The following RPH3A variants were observed in gnomAD, a reference collection of about 807,000 sequenced individuals.
RPH3A encodes rabphilin-3A.
A neutral mutation model predicts 102.2 loss-of-function variants in RPH3A; 48 were observed. The ratio of observed to expected loss-of-function variants is 0.47; its 90% CI spans 0.37 to 0.60. RPH3A has a LOEUF of 0.60. Ranked by LOEUF, RPH3A falls within the 20% of genes least tolerant of loss-of-function variation. The pLI, the probability that RPH3A is intolerant of heterozygous loss-of-function variation, is 0.00. For missense variants in RPH3A, 781 were observed against 910.1 expected (o/e 0.86, Z 1.83); for synonymous variants, 310 against 324.3 (o/e 0.96, Z 0.47).
chr12:112,807,548 T>C (rs1366561966), intron 2 of RPH3A, among the ~76,000 whole-genome samples: 3 of 152,226 alleles, frequency 2.0e-5, no homozygotes, highest in Non-Finnish European at 4.4e-5. Context: ...TCTCTGCATC[T>C]CAGTTTCTTC....
chr12:112,860,102 C>A (rs1415809145), intron 5 of RPH3A, among the ~76,000 whole-genome samples: 1 of 152,238 alleles, frequency 6.6e-6, no homozygotes. Context: ...CCACTTGTGA[C>A]ACATGGTCCA....
At position 112,890,995 on chromosome 12, in the gene RPH3A, C is replaced by T. The variant is rs771515781; in HGVS notation, c.1767C>T (p.Phe589=). ...AMDANGYSDP[F]VKLWLKPDMG... ...ACGCTAATGGCTACTCAGACCCATT[C>T]GTCAAGCTGTAAGTCAATGCCTTGG... The change falls in exon 19 of 22, where the codon TTC becomes TTT. Residue 589 remains phenylalanine (F), a synonymous_variant. Coordinates refer to ENST00000389385, the MANE Select transcript of RPH3A (RefSeq NM_001143854.2). 25 of 1,613,966 alleles carry T rather than the reference C, an allele frequency of 1.5e-5. No individual in the cohort carries two copies. Among genetic ancestry groups the T allele is most frequent in the Admixed American group, 6.7e-5 (4 of 59,998 alleles).
At chr12:112,613,354 C>T (rs964954306) in intron 1 of RPH3A, among the ~76,000 whole-genome samples, 4 of 151,942 alleles carry the variant, frequency 2.6e-5, no homozygotes, top group East Asian at 1.9e-4. Flanking sequence ...TTGGTGGCCT[C>T]GCGGTTCTAA....
At chr12:112,807,934 C>G (rs1367447303) in intron 2 of RPH3A, among the ~76,000 whole-genome samples, 1 of 152,174 alleles carries the variant, frequency 6.6e-6, no homozygotes, top group Non-Finnish European at 1.5e-5. Context: ...TTTCCCCCCA[C>G]TAGAATGTCA....
At chr12:112,842,285 A>C (rs1008151227) in intron 4 of RPH3A, among the ~76,000 whole-genome samples, 1 of 152,266 alleles carries the variant, frequency 6.6e-6, no homozygotes, top group Non-Finnish European at 1.5e-5. Context: ...ATAATAAGAA[A>C]AAGAAAACAC....
intron 8 of RPH3A, chr12:112,868,814 G>A (rs1414870684): frequency 2.1e-6 from 1 of 476,460 alleles, no homozygotes; most frequent in African/African-American, 1.9e-5. Context: ...AAGCCGCCCA[G>A]AGGCTTCATT....
chr12:112,896,346 T>C (rs1365494445), intron 21 of RPH3A, among the ~76,000 whole-genome samples: 1 of 152,116 alleles, frequency 6.6e-6, no homozygotes, highest in East Asian at 1.9e-4. Context: ...GACAATGAGT[T>C]CCCAGAAGTA....
At chr12:112,632,043 G>A (rs1407757482) in intron 1 of RPH3A, among the ~76,000 whole-genome samples, 3 of 152,094 alleles carry the variant, frequency 2.0e-5, no homozygotes, top group Non-Finnish European at 4.4e-5. Flanking sequence ...TTGAATTATG[G>A]GGGTAGGTCT....
chr12:112,690,669 T>A lies in RPH3A; in HGVS notation c.-139-101474T>A, dbSNP rs2040299602. On this transcript the variant is annotated intron_variant, in intron 1 of 21. Coordinates refer to the RPH3A transcript ENST00000543106. The stretch of plus-strand genomic sequence containing the variant: ...CCACTGGTAAATATGGACCAATCAA[T>A]GTCCGTTGGAATTGGACCCAACGAG... Among the ~76,000 whole-genome samples the A allele has an allele frequency of 2.0e-5, 3 of 152,176 alleles. No homozygotes were observed. In the South Asian group the frequency reaches 6.2e-4, roughly 32 times the overall value.
At chr12:112,889,975 G>A (rs748778121) in intron 17 of RPH3A, 49 bp from the exon 18 acceptor site, 1 of 1,562,716 alleles carries the variant, frequency 6.4e-7, no homozygotes. Flanking sequence ...TGCGCAGGAA[G>A]ATGAGCTCCA....
intron 10 of RPH3A, among the ~76,000 whole-genome samples, chr12:112,872,359 C>G (rs745776639): frequency 2.0e-5 from 3 of 152,154 alleles, no homozygotes; most frequent in Non-Finnish European, 4.4e-5. Context: ...CCTGGAGACA[C>G]AGCTATTCAA....
intron 3 of RPH3A, among the ~76,000 whole-genome samples, chr12:112,829,167 A>G (rs570027014): frequency 2.0e-5 from 3 of 152,230 alleles, no homozygotes; most frequent in Non-Finnish European, 2.9e-5. Context: ...GGATCAGTTT[A>G]AGAGTTTAAA....
intron 1 of RPH3A, among the ~76,000 whole-genome samples, chr12:112,740,314 T>C (rs2040700107): frequency 6.6e-6 from 1 of 152,240 alleles, no homozygotes; most frequent in African/African-American, 2.4e-5. Flanking sequence ...CCCGCAACAA[T>C]TTAAGCAGCA....
At position 112,869,954 on chromosome 12, in the gene RPH3A, C is replaced by T. The variant is rs747865237; in HGVS notation, c.711C>T (p.Ser237=). 32 of 1,613,994 alleles carry T rather than the reference C, an allele frequency of 2.0e-5. No individual in the cohort carries two copies. The highest frequency in any genetic ancestry group is 1.6e-4 in the South Asian group (15 of 91,070). The change falls in exon 10 of 22, where the codon TCC becomes TCT. Residue 237 remains serine, a synonymous_variant. Coordinates refer to ENST00000389385, the MANE Select transcript of RPH3A (RefSeq NM_001143854.2). ...GNYGPPVRRA[S]EARMSSSSRD... The stretch of plus-strand genomic sequence containing the variant: ...ATGGGCCTCCCGTGCGCAGGGCCTC[C>T]GAGGCACGAATGAGCTCATCTAGCC...
At chr12:112,760,767 G>A (rs2040849616) in intron 1 of RPH3A, among the ~76,000 whole-genome samples, 1 of 152,188 alleles carries the variant, frequency 6.6e-6, no homozygotes, top group Admixed American at 6.5e-5. Flanking sequence ...TCCATGGCAT[G>A]GGGGACATCA....
chr12:112,883,259 G>A, intron 15 of RPH3A, 34 bp from the exon 16 acceptor site: 1 of 1,557,200 alleles, frequency 6.4e-7, no homozygotes. Context: ...CCCCACTGAG[G>A]TAGGTGTCTC....
In RPH3A at chr12:112,791,895, A is replaced by AGAGAGAGAGAGAGAGAGAGAGAGG. The variant is rs1565882420; in HGVS notation, c.-247_-246insGAGAGAGAGAGAGGGAGAGAGAGA. On this transcript the variant is annotated 5_prime_UTR_variant, in exon 1 of 22. Transcript: ENST00000389385. ...GAGAGAGAGAGAGAGAGAGAGAGAG[A>AGAGAGAGAGAGAGAGAGAGAGAGG]GAGAGAGAGACTCACAGAGCTAAAA... is the stretch of plus-strand genomic sequence containing the variant. 2 of 150,702 alleles carry AGAGAGAGAGAGAGAGAGAGAGAGG rather than the reference A, an allele frequency of 1.3e-5. No individual in the cohort carries two copies. The highest frequency in any genetic ancestry group is 4.9e-5 in the African/African-American group (2 of 40,568). The allele number at this position is 150,702 out of a possible 1,614,324, so 9.3% of individuals were successfully genotyped here. A position where few individuals can be genotyped will look rare whatever the true frequency, so the allele number is the denominator to read the frequency against.
chr12:112,670,147 T>A (rs1181795888), intron 1 of RPH3A, among the ~76,000 whole-genome samples: 2 of 152,196 alleles, frequency 1.3e-5, no homozygotes, highest in Admixed American at 1.3e-4. Flanking sequence ...CATTTACTCA[T>A]CCACTTATAG....
intron 1 of RPH3A, among the ~76,000 whole-genome samples, chr12:112,676,038 G>C (rs1215043036): frequency 6.6e-6 from 1 of 152,182 alleles, no homozygotes; most frequent in African/African-American, 2.4e-5. Context: ...CCTGGCAGGA[G>C]CTGGAGCCAC....
Sources: gnomAD v4.1 joint callset for allele counts (sites outside exome capture counted in the v4.1 genomes callset) on GRCh38, gnomAD v4.1.1 for gene constraint, MANE v1.5 for transcripts, NCBI Gene and HGNC (gene_info 2026-07-23, HGNC 2026-07-21) for gene names.